ONECUT2: variants seen among roughly 807,000 people sequenced by gnomAD.
ONECUT2 encodes one cut domain family member 2.
In ONECUT2, 10 loss-of-function variants were observed where a neutral mutation model predicts 27.9. The observed-to-expected ratio is 0.36, with a 90% CI of 0.22 to 0.61. The LOEUF is 0.61. Ranked by LOEUF, ONECUT2 falls within the 20% of genes least tolerant of loss-of-function variation. The pLI is 0.73. For missense variants in ONECUT2, 686 were observed against 721.0 expected (o/e 0.95, Z 0.56); for synonymous variants, 334 against 315.1 (o/e 1.06, Z -0.64).
chr18:57,454,913 C>T (rs2050250504), intron 1 of ONECUT2, among the ~76,000 whole-genome samples: 1 of 152,126 alleles, frequency 6.6e-6, no homozygotes, highest in African/African-American at 2.4e-5. Context: ...GAATACAGTC[C>T]ATTTTGCAAG....
At chr18:57,451,537 C>G (rs2050230304) in intron 1 of ONECUT2, among the ~76,000 whole-genome samples, 1 of 152,218 alleles carries the variant, frequency 6.6e-6, no homozygotes, top group Non-Finnish European at 1.5e-5. Context: ...ACTTCTTTAC[C>G]TCCTTTTCTG....
intron 1 of ONECUT2, chr18:57,467,022 A>C: frequency 2.7e-6 from 1 of 368,730 alleles, no homozygotes; most frequent in Non-Finnish European, 5.4e-6. Context: ...CACCAGGGGC[A>C]CTCTGGGCCT....
Position 57,476,964 on chromosome 18 carries a change from A to G in ONECUT2, c.*241A>G. The stretch of plus-strand genomic sequence containing the variant: ...AAAAATTAATCTCTTAGAACCAGAC[A>G]CTGTTCTCTGAGCATGCTAAGCATC... On this transcript the variant is annotated 3_prime_UTR_variant, in exon 2 of 2. Transcript: ENST00000491143. The G allele has an allele frequency of 1.9e-6, 1 of 531,912 alleles. No individual in the cohort carries two copies. Among genetic ancestry groups the G allele is most frequent in the Admixed American group, 3.4e-5 (1 of 29,840 alleles). 32.9% of individuals were successfully genotyped at this position (531,912 alleles called of 1,614,324 possible).
At chr18:57,475,634 G>A (rs556842915) in intron 1 of ONECUT2, among the ~76,000 whole-genome samples, 1 of 152,252 alleles carries the variant, frequency 6.6e-6, no homozygotes, top group Non-Finnish European at 1.5e-5. Context: ...GGCCTTGACT[G>A]CATATGTCAG....
intron 1 of ONECUT2, among the ~76,000 whole-genome samples, chr18:57,445,851 C>T (rs954760790): frequency 1.3e-5 from 2 of 152,270 alleles, no homozygotes; most frequent in African/African-American, 2.4e-5. Flanking sequence ...CAGCAATACC[C>T]TGGAGTCCCC....
chr18:57,488,560 T>A lies in ONECUT2; in HGVS notation c.*11837T>A, dbSNP rs1390099524. On this transcript the variant is annotated 3_prime_UTR_variant, in exon 2 of 2. Coordinates refer to ENST00000491143, the MANE Select transcript of ONECUT2 (RefSeq NM_004852.3). ...ACCCAAGGTATATTTTGTTATGCCA[T>A]TTTATGTCCTTTTCTTTTAACATTG... is the stretch of plus-strand genomic sequence containing the variant. 6.6e-6 allele frequency: 1 copy of A among 152,664 alleles called. No homozygotes were observed. Among genetic ancestry groups the A allele is most frequent in the African/African-American group, 2.4e-5 (1 of 41,466 alleles). 9.5% of individuals were successfully genotyped at this position (152,664 alleles called of 1,614,324 possible).
In ONECUT2 at chr18:57,442,246, T is replaced by G. The variant is rs967765369; in HGVS notation, c.1228+5302T>G. ...AGGATGAGAACTAATTCTTCTGGGTTTTTTTTTTTTTTTTTTGAAATTATG... is the reference window on the plus strand; with the variant it reads ...AGGATGAGAACTAATTCTTCTGGGTGTTTTTTTTTTTTTTTTGAAATTATG... On this transcript the variant is annotated intron_variant, in intron 1 of 1. Transcript: ENST00000491143. Among the ~76,000 whole-genome samples the G allele has an allele frequency of 2.5e-3, 285 of 113,138 alleles. 5 individuals carry two copies. In the East Asian group the frequency reaches 0.048, roughly 19 times the overall value. The allele number at this position is 113,138 out of a possible 152,430, so 74.2% of individuals were successfully genotyped here.
chr18:57,474,950 G>A (rs1317549740), intron 1 of ONECUT2, among the ~76,000 whole-genome samples: 8 of 152,078 alleles, frequency 5.3e-5, no homozygotes, highest in African/African-American at 1.2e-4. Flanking sequence ...TTCTGAGGGC[G>A]ACTGCCCCAT....
rs2050399567 is a variant in ONECUT2 at position 57,478,773 on chromosome 18, C to T, written c.*2050C>T. ...GCTACAATACCAAAGATGAGGATTT[C>T]TCACACCTTTTGTTTCAGTTCATTA... On this transcript the variant is annotated 3_prime_UTR_variant, in exon 2 of 2. Coordinates refer to ENST00000491143, the MANE Select transcript of ONECUT2 (RefSeq NM_004852.3). The T allele has an allele frequency of 6.6e-6, 1 of 152,620 alleles. No individual in the cohort carries two copies. The highest frequency in any genetic ancestry group is 2.4e-5 in the African/African-American group (1 of 41,446). The allele number at this position is 152,620 out of a possible 1,614,324, so 9.5% of individuals were successfully genotyped here. A position where few individuals can be genotyped will look rare whatever the true frequency, so the allele number is the denominator to read the frequency against.
chr18:57,462,872 C>A lies in ONECUT2; in HGVS notation c.1229-13565C>A, dbSNP rs373110167. 3.5e-4 allele frequency among the ~76,000 whole-genome samples: 53 copies of A among 151,574 alleles called. 1 individual carries two copies. The highest frequency in any genetic ancestry group is 1.2e-3 in the African/African-American group (50 of 41,308). ...TCAGCCTTCCGAGTAGCTGGGACAA[C>A]AGGCATCTGCCACCACGCCTGGCTA... On this transcript the variant is annotated intron_variant, in intron 1 of 1. Coordinates refer to ENST00000491143, the MANE Select transcript of ONECUT2 (RefSeq NM_004852.3).
rs758893470 is a variant in ONECUT2, at chr18:57,436,754, G to A, written c.1038G>A (p.Leu346=). Residue 346 remains leucine (L), a synonymous_variant, in exon 1 of 2, where the codon CTG becomes CTA. Coordinates refer to ENST00000491143, the MANE Select transcript of ONECUT2 (RefSeq NM_004852.3). The surrounding 1 kb of genome is among the most constrained non-coding windows in gnomAD (Gnocchi z 5.9). ...KEVAQRITAE[L]KRYSIPQAIF... ...TGGCCCAGCGCATCACAGCGGAGCT[G>A]AAGCGCTACAGTATCCCCCAGGCGA... is the stretch of plus-strand genomic sequence containing the variant. 11 of 1,613,888 alleles carry A rather than the reference G, an allele frequency of 6.8e-6. No individual in the cohort carries two copies. In the Middle Eastern group the frequency reaches 4.9e-4, roughly 72 times the overall value.
chr18:57,456,416 G>A (rs2050259909), intron 1 of ONECUT2, among the ~76,000 whole-genome samples: 1 of 152,166 alleles, frequency 6.6e-6, no homozygotes, highest in Non-Finnish European at 1.5e-5. Flanking sequence ...TAAAAAGGAA[G>A]GAAAATCTGA....
At chr18:57,476,211 G>A (rs1360550697) in intron 1 of ONECUT2, among the ~76,000 whole-genome samples, 2 of 152,222 alleles carry the variant, frequency 1.3e-5, no homozygotes, top group African/African-American at 2.4e-5. Context: ...AAACCAGACT[G>A]TGTGAAACAG....
At chr18:57,468,670 CT>C (rs1054716061) in intron 1 of ONECUT2, among the ~76,000 whole-genome samples, 1 of 152,172 alleles carries the variant, frequency 6.6e-6, no homozygotes, top group African/African-American at 2.4e-5. Context: ...AGCCCCAAGT[CT>C]TGTGTGTTAG....
In ONECUT2 at chr18:57,435,693, C is replaced by A. The variant is rs200740424; in HGVS notation, c.-24C>A. On this transcript the variant is annotated 5_prime_UTR_variant, in exon 1 of 2. Transcript: ENST00000491143. Reference sequence around the variant, plus strand: ...CGCCGGCCGCCCCCGCCGCCCCCGCCGCCCCCGGGCCCTGATGGACTGAAT... The same window carrying A: ...CGCCGGCCGCCCCCGCCGCCCCCGCAGCCCCCGGGCCCTGATGGACTGAAT... The A allele has an allele frequency of 8.5e-3, 9,164 of 1,077,360 alleles. 54 individuals carry two copies. The highest frequency in any genetic ancestry group is 0.019 in the Middle Eastern group (43 of 2,214). The allele number at this position is 1,077,360 out of a possible 1,614,324, so 66.7% of individuals were successfully genotyped here.
rs3892921 is a variant in ONECUT2, at chr18:57,477,884, A to G, written c.*1161A>G. On this transcript the variant is annotated 3_prime_UTR_variant, in exon 2 of 2. Coordinates refer to ENST00000491143, the MANE Select transcript of ONECUT2 (RefSeq NM_004852.3). ...GTTTTCTAGCAAGAAAAAAAAATCAATCAATCAAACCTGCATACATGTTAC... is the reference window on the plus strand; with the variant it reads ...GTTTTCTAGCAAGAAAAAAAAATCAGTCAATCAAACCTGCATACATGTTAC... 0.32 allele frequency: 48,675 copies of G among 152,282 alleles called. 8,921 individuals carry two copies. Among genetic ancestry groups the G allele is most frequent in the African/African-American group, 0.48 (19,817 of 41,406 alleles). The allele number at this position is 152,282 out of a possible 1,614,324, so 9.4% of individuals were successfully genotyped here.
chr18:57,476,372 T>C (rs2050381680), intron 1 of ONECUT2, 65 bp from the exon 2 acceptor site: 1 of 1,533,338 alleles, frequency 6.5e-7, no homozygotes, highest in Non-Finnish European at 8.9e-7. Flanking sequence ...TTTGTCAATG[T>C]TTTCCATGGA....
intron 1 of ONECUT2, among the ~76,000 whole-genome samples, chr18:57,463,235 T>C (rs2849421): frequency 0.096 from 14,663 of 152,220 alleles, 815 homozygotes; most frequent in Middle Eastern, 0.2. Flanking sequence ...TGTCATTGAA[T>C]CCAGTGTCCA....
intron 1 of ONECUT2, chr18:57,467,074 C>A (rs1489734998): frequency 9.4e-6 from 4 of 426,990 alleles, no homozygotes; most frequent in Non-Finnish European, 1.9e-5. Context: ...GTGAGACATC[C>A]AAGAGCCCTC....
Sources: allele counts gnomAD v4.1 joint callset (sites outside exome capture counted in the v4.1 genomes callset), GRCh38; gene constraint gnomAD v4.1.1; non-coding constraint Gnocchi (gnomAD v3.1); transcripts MANE v1.5; gene names NCBI Gene and HGNC (gene_info 2026-07-23, HGNC 2026-07-21).